Variants in UCHL3 observed in about 807,000 individuals in gnomAD.
The protein encoded by UCHL3 is ubiquitin carboxyl-terminal hydrolase isozyme L3.
A neutral mutation model predicts 35.8 loss-of-function variants in UCHL3; 22 were observed. The observed-to-expected ratio is 0.61, with a 90% CI of 0.44 to 0.88. UCHL3 has a LOEUF of 0.88. UCHL3 is among the 40% of genes least tolerant of loss of function. The pLI is 0.00. For missense variants in UCHL3, 229 were observed against 276.9 expected (o/e 0.83, Z 1.23); for synonymous variants, 90 against 92.8 (o/e 0.97, Z 0.17).
intron 5 of UCHL3, among the ~76,000 whole-genome samples, chr13:75,568,274 T>C (rs1013630921): frequency 2.6e-5 from 4 of 152,156 alleles, no homozygotes; most frequent in Non-Finnish European, 5.9e-5. Flanking sequence ...CAATGCCTTA[T>C]GTAGAATTTG....
At chr13:75,557,804 T>C (rs2031342574) in intron 2 of UCHL3, among the ~76,000 whole-genome samples, 1 of 152,216 alleles carries the variant, frequency 6.6e-6, no homozygotes, top group South Asian at 2.1e-4. Flanking sequence ...AAACTAATGC[T>C]TTTATAAAAT....
At chr13:75,576,261 G>A (rs1593740784) in intron 6 of UCHL3, among the ~76,000 whole-genome samples, 2 of 151,674 alleles carry the variant, frequency 1.3e-5, no homozygotes, top group Admixed American at 6.6e-5. Flanking sequence ...GTGAAGTCTC[G>A]CTCTGTCTCC....
intron 2 of UCHL3, among the ~76,000 whole-genome samples, chr13:75,555,465 A>G (rs2031263110): frequency 6.6e-6 from 1 of 152,198 alleles, no homozygotes. Context: ...CCATCAACAA[A>G]TATGTAGTTG....
chr13:75,599,314 A>C (rs577105504), intron 7 of UCHL3, among the ~76,000 whole-genome samples: 73 of 152,212 alleles, frequency 4.8e-4, no homozygotes, highest in African/African-American at 1.7e-3. Flanking sequence ...CTGAGTTTGC[A>C]TAGCATTTGA....
upstream of UCHL3, chr13:75,549,783 C>T (rs1433690288): frequency 8.7e-6 from 13 of 1,493,906 alleles, no homozygotes; most frequent in Admixed American, 2.4e-5. Context: ...GCGGCGAAGG[C>T]GGCGGCTGTC....
intron 6 of UCHL3, among the ~76,000 whole-genome samples, chr13:75,576,380 C>A (rs2032024032): frequency 6.6e-6 from 1 of 152,136 alleles, no homozygotes; most frequent in Non-Finnish European, 1.5e-5. Context: ...CAGGCACGTG[C>A]CACCACACCC....
chr13:75,561,534 T>G (rs927340251), intron 3 of UCHL3, among the ~76,000 whole-genome samples: 4 of 151,374 alleles, frequency 2.6e-5, no homozygotes, highest in African/African-American at 9.8e-5. Context: ...TTAAATACAG[T>G]TTTTTCAATA....
At chr13:75,556,750 G>A (rs1487551307) in intron 2 of UCHL3, among the ~76,000 whole-genome samples, 1 of 152,174 alleles carries the variant, frequency 6.6e-6, no homozygotes, top group Admixed American at 6.5e-5. Flanking sequence ...AAACTCTCAG[G>A]AGTTCATTGT....
At chr13:75,564,302 C>T (rs2031615283) in intron 3 of UCHL3, among the ~76,000 whole-genome samples, 2 of 152,050 alleles carry the variant, frequency 1.3e-5, no homozygotes, top group Non-Finnish European at 2.9e-5. Flanking sequence ...AGGTGCCTGC[C>T]ACCACGCCCG....
Position 75,590,535 on chromosome 13 carries a change from A to T in UCHL3, c.475-4380A>T, listed in dbSNP as rs144434156. Among the ~76,000 whole-genome samples the T allele has an allele frequency of 1.2e-3, 186 of 151,932 alleles. 2 individuals carry two copies. The highest frequency in any genetic ancestry group is 4.1e-3 in the African/African-American group (169 of 41,432). The stretch of plus-strand genomic sequence containing the variant: ...TGCCATCTATTACTTTATTATTATT[A>T]TTTTTTTATGTTTCTGAGCATGACT... On this transcript the variant is annotated intron_variant, in intron 6 of 8. Transcript: ENST00000377595.
chr13:75,600,163 C>T (rs1425026291), intron 7 of UCHL3, among the ~76,000 whole-genome samples: 2 of 152,204 alleles, frequency 1.3e-5, no homozygotes, highest in Non-Finnish European at 2.9e-5. Context: ...AGGTCTGAAG[C>T]TAGCAGTTGG....
Position 75,582,530 on chromosome 13 carries a change from A to AT in UCHL3, c.475-12381dup, listed in dbSNP as rs148551570. 5.2e-3 allele frequency among the ~76,000 whole-genome samples: 791 copies of AT among 152,280 alleles called. 10 individuals carry two copies. The highest frequency in any genetic ancestry group is 0.018 in the African/African-American group (763 of 41,552). On this transcript the variant is annotated intron_variant, in intron 6 of 8. Coordinates refer to ENST00000377595, the MANE Select transcript of UCHL3 (RefSeq NM_006002.5). Reference sequence around the variant, plus strand: ...TTGATGAAATAAATAATTGTTAGTGATTTTGGACTCTTCACCAGAATGAAA... The same window carrying AT: ...TTGATGAAATAAATAATTGTTAGTGATTTTTGGACTCTTCACCAGAATGAAA...
intron 3 of UCHL3, among the ~76,000 whole-genome samples, chr13:75,564,296 G>A (rs560676668): frequency 2.6e-5 from 4 of 151,924 alleles, no homozygotes; most frequent in African/African-American, 9.7e-5. Context: ...GACTACAGGT[G>A]CCTGCCACCA....
At chr13:75,574,786 T>A (rs553130992) in intron 6 of UCHL3, among the ~76,000 whole-genome samples, 4 of 152,214 alleles carry the variant, frequency 2.6e-5, no homozygotes, top group Non-Finnish European at 5.9e-5. Context: ...ATTTTATAGA[T>A]GGAGAACCAC....
At chr13:75,560,036 T>C (rs1335468345) in intron 2 of UCHL3, among the ~76,000 whole-genome samples, 1 of 152,146 alleles carries the variant, frequency 6.6e-6, no homozygotes, top group Non-Finnish European at 1.5e-5. Flanking sequence ...GGCAATGAAG[T>C]TAAGTAGGTT....
At chr13:75,583,968 T>A (rs1246950642) in intron 6 of UCHL3, among the ~76,000 whole-genome samples, 1 of 152,244 alleles carries the variant, frequency 6.6e-6, no homozygotes, top group Non-Finnish European at 1.5e-5. Flanking sequence ...GGGGACAAGA[T>A]GGGAGAGAAT....
intron 6 of UCHL3, among the ~76,000 whole-genome samples, chr13:75,585,829 T>G (rs1276662320): frequency 6.6e-6 from 1 of 152,056 alleles, no homozygotes; most frequent in Non-Finnish European, 1.5e-5. Flanking sequence ...ACTCCGTAAC[T>G]AAAGATATAT....
rs771962822 is a variant in UCHL3 at position 75,549,887 on chromosome 13, G to A, written c.42+25G>A. 3 of 1,613,718 alleles carry A rather than the reference G, an allele frequency of 1.9e-6. No homozygotes were observed. The East Asian group carries it at 6.7e-5, about 36-fold the overall frequency. On this transcript the variant is annotated intron_variant, in intron 1 of 8. Coordinates refer to ENST00000377595, the MANE Select transcript of UCHL3 (RefSeq NM_006002.5). ...GGTGGGCGCGCTTCGGGGCAGCCCT[G>A]GGCCGTGGGCAGGTGCAGAGGGAGC...
At chr13:75,603,949 A>G (rs2032855431) in intron 7 of UCHL3, among the ~76,000 whole-genome samples, 1 of 152,130 alleles carries the variant, frequency 6.6e-6, no homozygotes, top group Non-Finnish European at 1.5e-5. Context: ...AGAAATTAAT[A>G]TTACTTTTTA....
Sources: gnomAD v4.1 joint callset for allele counts (sites outside exome capture counted in the v4.1 genomes callset) on GRCh38, gnomAD v4.1.1 for gene constraint, MANE v1.5 for transcripts, NCBI Gene and HGNC (gene_info 2026-07-23, HGNC 2026-07-21) for gene names.